The following CAMTA1 variants were observed in gnomAD, a reference collection of about 807,000 sequenced individuals.
CAMTA1 encodes the protein calmodulin-binding transcription activator 1.
In CAMTA1, 27 loss-of-function variants were observed where a neutral mutation model predicts 170.9. The observed-to-expected ratio is 0.16, with a 90% CI of 0.12 to 0.22. CAMTA1 has a LOEUF of 0.22. CAMTA1 is among the 10% of genes least tolerant of loss of function. The pLI is 1.00. For synonymous variants in CAMTA1, 833 were observed against 891.5 expected (o/e 0.93, Z 1.17); for missense variants, 1,619 against 2,217.2 (o/e 0.73, Z 5.42).
chr1:6,961,708 C>T (rs1690442172), intron 3 of CAMTA1, among the ~76,000 whole-genome samples: 1 of 152,194 alleles, frequency 6.6e-6, no homozygotes, highest in Non-Finnish European at 1.5e-5. Context: ...TGAATTGATC[C>T]AAGCCCATTC....
At chr1:6,833,106 T>TGAA (rs1322795340) in intron 3 of CAMTA1, among the ~76,000 whole-genome samples, 2 of 152,140 alleles carry the variant, frequency 1.3e-5, no homozygotes, top group African/African-American at 2.4e-5. Flanking sequence ...GGGAGACAGG[T>TGAA]GAAGGCAGGT....
chr1:7,309,363 G>T (rs928507595), intron 5 of CAMTA1, among the ~76,000 whole-genome samples: 1 of 122,492 alleles, frequency 8.2e-6, no homozygotes, highest in Non-Finnish European at 1.6e-5. Context: ...GCAGTGACAC[G>T]ATCTCAGCTC....
At chr1:7,179,217 A>G (rs1289690910) in intron 4 of CAMTA1, among the ~76,000 whole-genome samples, 1 of 152,264 alleles carries the variant, frequency 6.6e-6, no homozygotes, top group East Asian at 1.9e-4. Context: ...AAAGAGTTAT[A>G]TATCAGTCAC....
At chr1:7,492,992 C>T (rs1343962486) in intron 6 of CAMTA1, among the ~76,000 whole-genome samples, 6 of 150,260 alleles carry the variant, frequency 4.0e-5, no homozygotes, top group Admixed American at 2.7e-4. Context: ...AACATACAAA[C>T]GCGCACACAA....
chr1:7,351,668 G>T (rs2084683938), intron 5 of CAMTA1, among the ~76,000 whole-genome samples: 1 of 152,192 alleles, frequency 6.6e-6, no homozygotes, highest in Admixed American at 6.5e-5. Context: ...TCTGTCGAGG[G>T]CATCGTCCCC....
At position 7,067,094 on chromosome 1, in the gene CAMTA1, A is replaced by T. The variant is rs907744012; in HGVS notation, c.235-24210A>T. On this transcript the variant is annotated intron_variant, in intron 3 of 22. Transcript: ENST00000303635. The surrounding 1 kb of genome is among the most constrained non-coding windows in gnomAD (Gnocchi z 4.3). ...ACCTTCCCTGTGCTTGGAATGCCCC[A>T]GTCCCCACACGGGGCACCCCCTTAC... Among the ~76,000 whole-genome samples, 11 of 152,228 alleles carry T rather than the reference A, an allele frequency of 7.2e-5. No homozygotes were observed. The highest frequency in any genetic ancestry group is 1.6e-4 in the Non-Finnish European group (11 of 68,044).
intron 6 of CAMTA1, among the ~76,000 whole-genome samples, chr1:7,600,360 T>A (rs2095430591): frequency 6.6e-6 from 1 of 152,196 alleles, no homozygotes. Context: ...TATTGAGGAT[T>A]TTTGCATCGA....
chr1:7,418,039 C>T (rs561837410), intron 5 of CAMTA1, among the ~76,000 whole-genome samples: 2 of 152,238 alleles, frequency 1.3e-5, no homozygotes, highest in African/African-American at 2.4e-5. Flanking sequence ...GTCTTGGGTA[C>T]CTTGGTGTGG....
intron 5 of CAMTA1, among the ~76,000 whole-genome samples, chr1:7,361,149 G>A (rs138191998): frequency 3.7e-4 from 57 of 152,304 alleles, no homozygotes; most frequent in Admixed American, 9.2e-4. Context: ...TAGGAGTGGC[G>A]CCATATTCAT....
chr1:7,319,860 A>AT (rs35282935), intron 5 of CAMTA1, among the ~76,000 whole-genome samples: 4 of 149,880 alleles, frequency 2.7e-5, no homozygotes, highest in Non-Finnish European at 5.9e-5. Context: ...ATACTAAATC[A>AT]TTTTTTTTTT....
chr1:7,342,349 C>T (rs1000885141), intron 5 of CAMTA1, among the ~76,000 whole-genome samples: 1 of 152,140 alleles, frequency 6.6e-6, no homozygotes, highest in African/African-American at 2.4e-5. Context: ...ACTCAGCTGG[C>T]GATTCCTCTC....
rs995953764 is a variant in CAMTA1 at position 7,044,005 on chromosome 1, G to A, written c.235-47299G>A. 4.6e-5 allele frequency among the ~76,000 whole-genome samples: 7 copies of A among 152,226 alleles called. No individual in the cohort carries two copies. The highest frequency in any genetic ancestry group is 1.7e-4 in the African/African-American group (7 of 41,448). On this transcript the variant is annotated intron_variant, in intron 3 of 22. Coordinates refer to ENST00000303635, the MANE Select transcript of CAMTA1 (RefSeq NM_015215.4). This position sits in a 1 kb window ranked among gnomAD's most constrained non-coding sequence, Gnocchi z 5.0. ...AACATTTGGAGGATATAGGTCTAGG[G>A]GAGGGTGACTGTATTACCTGGATCC... is the stretch of plus-strand genomic sequence containing the variant.
intron 6 of CAMTA1, among the ~76,000 whole-genome samples, chr1:7,596,058 C>T (rs954515977): frequency 2.0e-5 from 3 of 152,224 alleles, no homozygotes; most frequent in South Asian, 2.1e-4. Flanking sequence ...TGTCCCCATC[C>T]GTCTTGCTCC....
chr1:6,858,300 A>T (rs1663192758), intron 3 of CAMTA1, among the ~76,000 whole-genome samples: 1 of 152,174 alleles, frequency 6.6e-6, no homozygotes, highest in South Asian at 2.1e-4. Context: ...TAGTTTACAG[A>T]ACTACTTATC....
At position 7,680,235 on chromosome 1, in the gene CAMTA1, C is replaced by A; in HGVS notation, c.2914+2502C>A. 7.8e-6 allele frequency: 2 copies of A among 256,906 alleles called. No homozygotes were observed. Among genetic ancestry groups the A allele is most frequent in the South Asian group, 3.0e-5 (1 of 32,996 alleles). The allele number at this position is 256,906 out of a possible 1,614,324, so 15.9% of individuals were successfully genotyped here. A position where few individuals can be genotyped will look rare whatever the true frequency, so the allele number is the denominator to read the frequency against. On this transcript the variant is annotated intron_variant, in intron 11 of 22. Transcript: ENST00000303635. The surrounding 1 kb of genome is among the most constrained non-coding windows in gnomAD (Gnocchi z 4.4). ...GCGGTGGTGAGCCTTCCGTTCCCCGCCTGTCCCTCCCGGCCCCTCCCCTCG... is the reference window on the plus strand; with the variant it reads ...GCGGTGGTGAGCCTTCCGTTCCCCGACTGTCCCTCCCGGCCCCTCCCCTCG...
intron 3 of CAMTA1, among the ~76,000 whole-genome samples, chr1:7,075,548 G>A (rs909708537): frequency 2.0e-5 from 3 of 152,020 alleles, no homozygotes; most frequent in Non-Finnish European, 1.5e-5. Context: ...CTCCCTTCCC[G>A]GCCCTGTGCT....
intron 1 of CAMTA1, among the ~76,000 whole-genome samples, chr1:6,819,242 G>A (rs1390716555): frequency 1.3e-5 from 2 of 151,956 alleles, no homozygotes; most frequent in African/African-American, 4.8e-5. Context: ...TAATACTGCA[G>A]CCAAACAAAA....
In CAMTA1 at chr1:7,463,330, C is replaced by T. The variant is rs2093135067; in HGVS notation, c.439-4500C>T. Among the ~76,000 whole-genome samples the T allele has an allele frequency of 6.6e-6, 1 of 151,724 alleles. No individual in the cohort carries two copies. Among genetic ancestry groups the T allele is most frequent in the Non-Finnish European group, 1.5e-5 (1 of 67,950 alleles). On this transcript the variant is annotated intron_variant, in intron 5 of 22. Transcript: ENST00000303635. This position sits in a 1 kb window ranked among gnomAD's most constrained non-coding sequence, Gnocchi z 4.7. ...CAGAGACAGGGACAGGCAAGGGAAA[C>T]AGAGACAGGGAGAGACAGAGAGACA...
intron 3 of CAMTA1, chr1:7,008,517 G>C (rs1699330873): frequency 6.6e-6 from 1 of 152,194 alleles, no homozygotes; most frequent in South Asian, 2.1e-4. Flanking sequence ...AGGAGGGGAG[G>C]CTCAGGGGCC....
Sources: gnomAD v4.1 joint callset for allele counts (sites outside exome capture counted in the v4.1 genomes callset) on GRCh38, gnomAD v4.1.1 for gene constraint, Gnocchi (gnomAD v3.1) non-coding constraint, MANE v1.5 for transcripts, NCBI Gene and HGNC (gene_info 2026-07-23, HGNC 2026-07-21) for gene names.